SPAG6: variants seen among roughly 807,000 people sequenced by gnomAD.
SPAG6 encodes the protein sperm associated antigen 6.
In SPAG6, 49 loss-of-function variants were observed where a neutral mutation model predicts 58.5. The observed-to-expected ratio is 0.84, with a 90% confidence interval of 0.67 to 1.06. SPAG6 has a LOEUF of 1.06. Ranked by LOEUF, SPAG6 falls within the 50% of genes least tolerant of loss-of-function variation. SPAG6 has a pLI of 0.00. For synonymous variants in SPAG6, 233 were observed against 225.6 expected (o/e 1.03, Z -0.29); for missense variants, 560 against 611.3 (o/e 0.92, Z 0.89).
chr10:22,411,162 C>A lies in SPAG6; in HGVS notation c.1446C>A (p.Pro482=). The change falls in exon 10 of 11, where the codon CCC becomes CCA. Residue 482 remains proline (P), a synonymous_variant. Transcript: ENST00000376624. ...EYINSINSCY[P]EEIVRYYSPG... ...TCAACAGTATTAACAGTTGTTACCC[C>A]GAGGAAATAGTGAGGTGGGGAAAAT... 1 of 1,607,038 alleles carries A rather than the reference C, an allele frequency of 6.2e-7. No individual in the cohort carries two copies. The highest frequency in any genetic ancestry group is 8.5e-7 in the Non-Finnish European group (1 of 1,177,500).
chr10:22,355,254 T>A (rs1224004937), intron 2 of SPAG6, among the ~76,000 whole-genome samples: 1 of 152,170 alleles, frequency 6.6e-6, no homozygotes, highest in Non-Finnish European at 1.5e-5. Flanking sequence ...CTCATTGGAT[T>A]GTAATGAGGG....
intron 4 of SPAG6, among the ~76,000 whole-genome samples, chr10:22,375,359 T>C (rs1305218777): frequency 6.6e-6 from 1 of 152,196 alleles, no homozygotes; most frequent in Non-Finnish European, 1.5e-5. Context: ...AGGAGTTGGT[T>C]AGCATAAGAA....
chr10:22,364,539 C>G lies in SPAG6; in HGVS notation c.122-314C>G, dbSNP rs140787947. ...TTTGTGTTAGGCATCATAGCATACT[C>G]TACAACCTTTCTCTGCATGCCTCAT... On this transcript the variant is annotated intron_variant, in intron 2 of 10. Coordinates refer to ENST00000376624, the MANE Select transcript of SPAG6 (RefSeq NM_012443.4). Among the ~76,000 whole-genome samples, 1,132 of 152,318 alleles carry G rather than the reference C, an allele frequency of 7.4e-3. 10 individuals are homozygous for G. Among genetic ancestry groups the G allele is most frequent in the Middle Eastern group, 0.01 (3 of 294 alleles).
intron 2 of SPAG6, among the ~76,000 whole-genome samples, chr10:22,348,865 C>T (rs934961242): frequency 1.3e-5 from 2 of 152,182 alleles, no homozygotes; most frequent in Admixed American, 6.5e-5. Flanking sequence ...CAGGGTTTCA[C>T]TCTGTCGCCC....
intron 9 of SPAG6, among the ~76,000 whole-genome samples, chr10:22,406,049 T>C (rs1431572650): frequency 1.3e-5 from 2 of 152,208 alleles, no homozygotes; most frequent in African/African-American, 4.8e-5. Flanking sequence ...TTAGTCTTGC[T>C]AGCGGTCTAT....
Position 22,411,030 on chromosome 10 carries a change from G to C in SPAG6, c.1315-1G>C, listed in dbSNP as rs761030006. The C allele has an allele frequency of 3.1e-6, 5 of 1,607,836 alleles. No homozygotes were observed. The South Asian group carries it at 5.6e-5, about 18-fold the overall frequency. On this transcript the variant is annotated splice_acceptor_variant, in intron 9 of 10. Coordinates refer to ENST00000376624, the MANE Select transcript of SPAG6 (RefSeq NM_012443.4). LOFTEE classifies it high-confidence loss of function. Reference sequence around the variant, plus strand: ...ACATTTTATGTGCTTCACTTTGCAAGGTGCTGCCGCATGATAGCAAAGCTC... The same window carrying C: ...ACATTTTATGTGCTTCACTTTGCAACGTGCTGCCGCATGATAGCAAAGCTC...
At chr10:22,373,414 TA>T (rs1833747621) in intron 4 of SPAG6, among the ~76,000 whole-genome samples, 1 of 152,318 alleles carries the variant, frequency 6.6e-6, no homozygotes, top group East Asian at 1.9e-4. Flanking sequence ...ATAGCTTAAA[TA>T]GTGCAGAACA....
At chr10:22,399,370 T>C (rs1313720212) in intron 8 of SPAG6, among the ~76,000 whole-genome samples, 1 of 152,186 alleles carries the variant, frequency 6.6e-6, no homozygotes. Context: ...TGTTTCTGAA[T>C]TTGACTTTTC....
chr10:22,354,823 A>T lies in SPAG6; in HGVS notation c.121+9005A>T, dbSNP rs112447362. Among the ~76,000 whole-genome samples, 361 of 152,226 alleles carry T rather than the reference A, an allele frequency of 2.4e-3. 2 individuals carry two copies. Among genetic ancestry groups the T allele is most frequent in the African/African-American group, 8.4e-3 (349 of 41,528 alleles). On this transcript the variant is annotated intron_variant, in intron 2 of 10. Coordinates refer to ENST00000376624, the MANE Select transcript of SPAG6 (RefSeq NM_012443.4). Reference sequence around the variant, plus strand: ...TTAGGAGTTCGAGACCAGCCTGGCCAACATGGTAAACCCCATCTCTACTAA... The same window carrying T: ...TTAGGAGTTCGAGACCAGCCTGGCCTACATGGTAAACCCCATCTCTACTAA...
At chr10:22,396,862 C>A (rs1189485892) in intron 8 of SPAG6, among the ~76,000 whole-genome samples, 1 of 152,116 alleles carries the variant, frequency 6.6e-6, no homozygotes, top group Non-Finnish European at 1.5e-5. Flanking sequence ...CCTCAGAATG[C>A]CCTCAATAGA....
chr10:22,384,626 A>G (rs1280288800), intron 4 of SPAG6, among the ~76,000 whole-genome samples: 1 of 152,216 alleles, frequency 6.6e-6, no homozygotes, highest in Non-Finnish European at 1.5e-5. Flanking sequence ...GATGTAAACT[A>G]TATGAAATTG....
chr10:22,385,485 A>G (rs1834044639), intron 4 of SPAG6, among the ~76,000 whole-genome samples: 1 of 152,188 alleles, frequency 6.6e-6, no homozygotes, highest in African/African-American at 2.4e-5. Flanking sequence ...ATTGAAACAT[A>G]CCTTTGCCAA....
intron 3 of SPAG6, among the ~76,000 whole-genome samples, chr10:22,368,161 T>C (rs1001473067): frequency 1.3e-5 from 2 of 152,184 alleles, no homozygotes; most frequent in African/African-American, 4.8e-5. Context: ...ACAATACATT[T>C]TGGTGTAATG....
At chr10:22,389,027 A>G (rs1443455663) in intron 6 of SPAG6, 133 bp from the exon 7 acceptor site, 1 of 664,516 alleles carries the variant, frequency 1.5e-6, no homozygotes, top group Non-Finnish European at 2.4e-6. Context: ...TTTAATAAAT[A>G]TAATAATTTC....
At position 22,345,845 on chromosome 10, in the gene SPAG6, G is replaced by GC. The variant is rs765363777; in HGVS notation, c.121+33dup. 317 of 1,601,928 alleles carry GC rather than the reference G, an allele frequency of 2.0e-4. No individual in the cohort carries two copies. Among genetic ancestry groups the GC allele is most frequent in the Non-Finnish European group, 2.5e-4 (295 of 1,174,640 alleles). On this transcript the variant is annotated intron_variant, in intron 2 of 10. Coordinates refer to ENST00000376624, the MANE Select transcript of SPAG6 (RefSeq NM_012443.4). The surrounding 1 kb of genome is among the most constrained non-coding windows in gnomAD (Gnocchi z 6.3). Reference sequence around the variant, plus strand: ...TGAGCCCGGAGCCCGAACCCCCGTCGCCCCCCGCGCACTGAGTCCCCGACG... The same window carrying GC: ...TGAGCCCGGAGCCCGAACCCCCGTCGCCCCCCCGCGCACTGAGTCCCCGACG...
At chr10:22,410,931 A>C in intron 9 of SPAG6, 100 bp from the exon 10 acceptor site, 1 of 1,254,380 alleles carries the variant, frequency 8.0e-7, no homozygotes, top group South Asian at 1.6e-5. Context: ...ATTGGGTATA[A>C]ATTCTCTTTT....
chr10:22,392,409 C>T (rs921742044), intron 8 of SPAG6, among the ~76,000 whole-genome samples: 5 of 151,888 alleles, frequency 3.3e-5, no homozygotes, highest in African/African-American at 1.2e-4. Context: ...AAAAAATTGT[C>T]TATAAGACTC....
intron 7 of SPAG6, among the ~76,000 whole-genome samples, chr10:22,390,391 C>G (rs1325040419): frequency 6.6e-6 from 1 of 152,130 alleles, no homozygotes; most frequent in African/African-American, 2.4e-5. Flanking sequence ...CTCTCCCCTT[C>G]TTTGGTCTAA....
chr10:22,368,417 T>C, intron 3 of SPAG6, 78 bp from the exon 4 acceptor site: 3 of 1,049,126 alleles, frequency 2.9e-6, no homozygotes, highest in Non-Finnish European at 4.2e-6. Context: ...GTTATTTTTA[T>C]GTAGTTTTGG....
Sources: allele counts gnomAD v4.1 joint callset (sites outside exome capture counted in the v4.1 genomes callset), GRCh38; gene constraint gnomAD v4.1.1; non-coding constraint Gnocchi (gnomAD v3.1); transcripts MANE v1.5; gene names NCBI Gene and HGNC (gene_info 2026-07-23, HGNC 2026-07-21).